Variants in PCDH1 observed in about 807,000 individuals in gnomAD.
PCDH1 encodes protocadherin 1, also known as protocadherin-1.
PCDH1 carries 23 observed loss-of-function variants against 74.6 expected under a neutral mutation model. The observed-to-expected ratio is 0.31, with a 90% CI of 0.22 to 0.44. The LOEUF (loss-of-function observed/expected upper bound fraction) is 0.44, where lower values mean the gene tolerates loss of function less well. Ranked by LOEUF, PCDH1 falls within the 20% of genes least tolerant of loss-of-function variation. The pLI is 1.00. For missense variants in PCDH1, 1,214 were observed against 1,641.4 expected (o/e 0.74, Z 4.50); for synonymous variants, 647 against 686.1 (o/e 0.94, Z 0.89).
chr5:141,869,347 A>G lies in PCDH1; in HGVS notation c.125T>C (p.Met42Thr). 6.3e-7 allele frequency: 1 copy of G among 1,598,242 alleles called. No homozygotes were observed. Among genetic ancestry groups the G allele is most frequent in the Admixed American group, 1.8e-5 (1 of 57,076 alleles). The change falls in exon 2 of 5, where the codon ATG becomes ACG. Residue 42 changes from methionine (M) to threonine (T), a missense_variant. Physicochemically the swap from Met to Thr is moderately conservative, Grantham distance 81. Transcript: ENST00000287008. This position sits in a 1 kb window ranked among gnomAD's most constrained non-coding sequence, Gnocchi z 4.9. The stretch of plus-strand genomic sequence containing the variant: ...CAGCAGGAGCAGCAGTGCTAGCAGC[A>G]TGGAGGGCAGCAGTAGCCGTTGCCC... ...PGGQRLLLPS[M>T]LLALLLLLAP...
At chr5:141,862,702 C>A in intron 3 of PCDH1, 6 of 991,436 alleles carry the variant, frequency 6.1e-6, no homozygotes, top group Non-Finnish European at 7.2e-6. Flanking sequence ...TGGGACCCAG[C>A]CCCAGAAGCC....
upstream of PCDH1, chr5:141,878,410 TGAGGCGGCG>T: frequency 2.2e-6 from 1 of 460,896 alleles, no homozygotes; most frequent in Non-Finnish European, 3.0e-6. The surrounding 1 kb of genome is among the most constrained non-coding windows in gnomAD (Gnocchi z 5.5). Context: ...CCCGAGTGTG[TGAGGCGGCG>T]GCGGCGGCGG....
Position 141,863,309 on chromosome 5 carries a change from C to A in PCDH1, c.3022G>T (p.Asp1008Tyr). 1.3e-6 allele frequency: 2 copies of A among 1,559,164 alleles called. No homozygotes were observed. The highest frequency in any genetic ancestry group is 1.7e-6 in the Non-Finnish European group (2 of 1,151,826). ...TGCTCAGAGCCCGTGGACGTGGTGT[C>A]CCCGGTGCCCACGAATGTGTTTGCA... ...PPANTFVGTG[D>Y]TTSTGSEQYS... The change falls in exon 3 of 5, where the codon GAC (aspartate) becomes TAC (tyrosine). Residue 1008 changes from aspartate to tyrosine, a missense_variant. By Grantham distance (160) the Asp-to-Tyr change is radical (BLOSUM62 -3). Coordinates refer to ENST00000287008, the MANE Select transcript of PCDH1 (RefSeq NM_032420.5). This position sits in a 1 kb window ranked among gnomAD's most constrained non-coding sequence, Gnocchi z 7.5.
At position 141,878,161 on chromosome 5, in the gene PCDH1, C is replaced by T; in HGVS notation, c.40+62G>A. 7.2e-7 allele frequency: 1 copy of T among 1,398,046 alleles called. No homozygotes were observed. The highest frequency in any genetic ancestry group is 9.3e-7 in the Non-Finnish European group (1 of 1,069,918). 86.6% of individuals were successfully genotyped at this position (1,398,046 alleles called of 1,614,324 possible). A position where few individuals can be genotyped will look rare whatever the true frequency, so the allele number is the denominator to read the frequency against. ...CGCCGAGCGCCCCTCCCTCAGCTCC[C>T]GCCGGCCATGACCGCTTCGGGCCCC... On this transcript the variant is annotated intron_variant, in intron 1 of 4. Transcript: ENST00000287008. The surrounding 1 kb of genome is among the most constrained non-coding windows in gnomAD (Gnocchi z 5.5).
chr5:141,863,578 G>T lies in PCDH1; in HGVS notation c.2753C>A (p.Ser918Tyr). The change falls in exon 3 of 5, where the codon TCC becomes TAC. Residue 918 changes from serine (S) to tyrosine (Y), a missense_variant. Physicochemically the swap from Ser to Tyr is moderately radical, Grantham distance 144. Coordinates refer to ENST00000287008, the MANE Select transcript of PCDH1 (RefSeq NM_032420.5). The surrounding 1 kb of genome is among the most constrained non-coding windows in gnomAD (Gnocchi z 7.5). ...CTCCACTGGCTTCACGGGCTTTGGG[G>T]ACTTGCTCTTCTTGCCTTTGCTTTT... The part of the protein sequence containing the change: ...GNKSKGKKSK[S>Y]PKPVKPVEDE... The T allele has an allele frequency of 6.2e-7, 1 of 1,614,154 alleles. No individual in the cohort carries two copies. Among genetic ancestry groups the T allele is most frequent in the South Asian group, 1.1e-5 (1 of 91,076 alleles).
Position 141,869,718 on chromosome 5 carries a change from G to C in PCDH1, c.41-287C>G. 6.7e-7 allele frequency: 1 copy of C among 1,482,658 alleles called. No individual in the cohort carries two copies. Among genetic ancestry groups the C allele is most frequent in the Non-Finnish European group, 9.0e-7 (1 of 1,116,160 alleles). The allele number at this position is 1,482,658 out of a possible 1,614,324, so 91.8% of individuals were successfully genotyped here. A position where few individuals can be genotyped will look rare whatever the true frequency, so the allele number is the denominator to read the frequency against. ...CACCCTCACCCACCTGACGCTCCCT[G>C]GGCCCAAGCCCGGCTGCCCGCCCTC... is the stretch of plus-strand genomic sequence containing the variant. On this transcript the variant is annotated intron_variant, in intron 1 of 4. Transcript: ENST00000287008. This position sits in a 1 kb window ranked among gnomAD's most constrained non-coding sequence, Gnocchi z 4.9.
At position 141,864,462 on chromosome 5, in the gene PCDH1, C is replaced by T; in HGVS notation, c.1869G>A (p.Glu623=). Residue 623 remains glutamate (E), a synonymous_variant, in exon 3 of 5, where the codon GAG becomes GAA. Transcript: ENST00000287008. The surrounding 1 kb of genome is among the most constrained non-coding windows in gnomAD (Gnocchi z 5.9). ...MLSGYNFSVM[E]NMPALSPVGM... Reference sequence around the variant, plus strand: ...CCACTGGACTCAGTGCTGGCATGTTCTCCATCACTGAGAAGTTGTAGCCAC... The same window carrying T: ...CCACTGGACTCAGTGCTGGCATGTTTTCCATCACTGAGAAGTTGTAGCCAC... The T allele has an allele frequency of 6.2e-7, 1 of 1,614,130 alleles. No individual in the cohort carries two copies. Among genetic ancestry groups the T allele is most frequent in the Non-Finnish European group, 8.5e-7 (1 of 1,180,022 alleles).
chr5:141,875,833 G>A lies in PCDH1; in HGVS notation c.40+2390C>T, dbSNP rs114965409. On this transcript the variant is annotated intron_variant, in intron 1 of 4. Coordinates refer to ENST00000287008, the MANE Select transcript of PCDH1 (RefSeq NM_032420.5). ...TGCCCTAGTCTAGTTGTAATTACAGGTTCCAATTCCCCCAGACCTTAACGT... is the reference window on the plus strand; with the variant it reads ...TGCCCTAGTCTAGTTGTAATTACAGATTCCAATTCCCCCAGACCTTAACGT... Among the ~76,000 whole-genome samples the A allele has an allele frequency of 3.6e-3, 548 of 152,066 alleles. 2 individuals carry two copies. Among genetic ancestry groups the A allele is most frequent in the Non-Finnish European group, 6.3e-3 (429 of 68,000 alleles).
chr5:141,867,628 A>AG (rs1340754969), intron 2 of PCDH1: 8 of 446,086 alleles, frequency 1.8e-5, no homozygotes, highest in African/African-American at 1.6e-4. Flanking sequence ...AAAAAAAAAA[A>AG]AAAGGCTGAA....
chr5:141,853,731 A>G lies in PCDH1; in HGVS notation c.*311T>C, dbSNP rs1165909149. On this transcript the variant is annotated 3_prime_UTR_variant, in exon 5 of 5. Transcript: ENST00000287008. ...CCACCCTTGACTCCACCATCTGCCC[A>G]AATCGAGGGGGTGCTCCCTGGAAGT... 6.9e-6 allele frequency: 2 copies of G among 289,484 alleles called. No individual in the cohort carries two copies. Among genetic ancestry groups the G allele is most frequent in the African/African-American group, 4.3e-5 (2 of 46,082 alleles). The allele number at this position is 289,484 out of a possible 1,614,324, so 17.9% of individuals were successfully genotyped here.
intron 3 of PCDH1, 113 bp from the exon 4 acceptor site, chr5:141,857,584 CAAG>C (rs79190729): frequency 0.067 from 52,254 of 783,698 alleles, 1,925 homozygotes; most frequent in African/African-American, 0.082. Context: ...CAACAGCAAC[CAAG>C]AAGAGACCCA....
In PCDH1 at chr5:141,869,648, C is replaced by G. The variant is rs956174988; in HGVS notation, c.41-217G>C. The stretch of plus-strand genomic sequence containing the variant: ...GCAGTGTCTGCCCCAGCTGGAGGAG[C>G]CAGTAAGAGGCCTGGCATGCCTAGA... On this transcript the variant is annotated intron_variant, in intron 1 of 4. Transcript: ENST00000287008. This position sits in a 1 kb window ranked among gnomAD's most constrained non-coding sequence, Gnocchi z 4.9. 2.2e-5 allele frequency: 34 copies of G among 1,532,778 alleles called. 1 individual carries two copies. The highest frequency in any genetic ancestry group is 9.8e-5 in the Admixed American group (5 of 50,902). The allele number at this position is 1,532,778 out of a possible 1,614,324, so 94.9% of individuals were successfully genotyped here.
At chr5:141,867,824 G>A (rs185936882) in intron 2 of PCDH1, among the ~76,000 whole-genome samples, 1 of 152,214 alleles carries the variant, frequency 6.6e-6, no homozygotes, top group African/African-American at 2.4e-5. Context: ...ATGACAGCGG[G>A]AGATACACCC....
At position 141,866,769 on chromosome 5, in the gene PCDH1, C is replaced by T. The variant is rs964801312; in HGVS notation, c.904-1342G>A. On this transcript the variant is annotated intron_variant, in intron 2 of 4. Coordinates refer to ENST00000287008, the MANE Select transcript of PCDH1 (RefSeq NM_032420.5). Reference sequence around the variant, plus strand: ...GGATAATACAGGTAAAAATGCCTGACATTGCCCGGCACAGGGAAAGTGCTC... The same window carrying T: ...GGATAATACAGGTAAAAATGCCTGATATTGCCCGGCACAGGGAAAGTGCTC... Among the ~76,000 whole-genome samples the T allele has an allele frequency of 2.6e-5, 4 of 152,200 alleles. No individual in the cohort carries two copies. The East Asian group carries it at 5.8e-4, about 22-fold the overall frequency.
Position 141,878,296 on chromosome 5 carries a change from C to T in PCDH1, c.-34G>A. ...GCCGGCCCCGGCCTGGGCTGCGGCT[C>T]CGCACGGCTGGGGCTGGAGCTGCAG... is the stretch of plus-strand genomic sequence containing the variant. On this transcript the variant is annotated 5_prime_UTR_variant, in exon 1 of 5. Coordinates refer to ENST00000287008, the MANE Select transcript of PCDH1 (RefSeq NM_032420.5). The surrounding 1 kb of genome is among the most constrained non-coding windows in gnomAD (Gnocchi z 5.5). 1 of 1,237,350 alleles carries T rather than the reference C, an allele frequency of 8.1e-7. No individual in the cohort carries two copies. Among genetic ancestry groups the T allele is most frequent in the Non-Finnish European group, 1.0e-6 (1 of 992,436 alleles). The allele number at this position is 1,237,350 out of a possible 1,614,324, so 76.6% of individuals were successfully genotyped here.
Position 141,865,593 on chromosome 5 carries a change from A to G in PCDH1, c.904-166T>C, listed in dbSNP as rs145520165. Among the ~76,000 whole-genome samples, 6 of 152,296 alleles carry G rather than the reference A, an allele frequency of 3.9e-5. No homozygotes were observed. The East Asian group carries it at 1.2e-3, about 29-fold the overall frequency. On this transcript the variant is annotated intron_variant, in intron 2 of 4. Coordinates refer to ENST00000287008, the MANE Select transcript of PCDH1 (RefSeq NM_032420.5). This position sits in a 1 kb window ranked among gnomAD's most constrained non-coding sequence, Gnocchi z 4.4. ...GCCATGTGTGTCCTGCCTTTTCCCAATTCGGACATTCTGGCAGGCATTACT... is the reference window on the plus strand; with the variant it reads ...GCCATGTGTGTCCTGCCTTTTCCCAGTTCGGACATTCTGGCAGGCATTACT...
intron 1 of PCDH1, among the ~76,000 whole-genome samples, chr5:141,874,075 C>T (rs1753161134): frequency 6.6e-6 from 1 of 152,182 alleles, no homozygotes; most frequent in South Asian, 2.1e-4. Context: ...AATCTGATTC[C>T]TGTTATGTCA....
chr5:141,868,664 C>T lies in PCDH1; in HGVS notation c.808G>A (p.Val270Met), dbSNP rs2126826038. 5 of 1,610,468 alleles carry T rather than the reference C, an allele frequency of 3.1e-6. No homozygotes were observed. The highest frequency in any genetic ancestry group is 4.2e-6 in the Non-Finnish European group (5 of 1,177,832). Reference protein sequence around the residue: ...RASSALLRVTVLDTNDNAPKF... With the variant: ...RASSALLRVTMLDTNDNAPKF... Reference sequence around the variant, plus strand: ...GGGGCGTTGTCATTGGTGTCAAGCACGGTGACACGCAGCAGGGCACTGCTG... The same window carrying T: ...GGGGCGTTGTCATTGGTGTCAAGCATGGTGACACGCAGCAGGGCACTGCTG... The change falls in exon 2 of 5, where the codon GTG (valine) becomes ATG (methionine). Residue 270 changes from valine to methionine, a missense_variant. Val to Met is a conservative substitution (Grantham distance 21, BLOSUM62 1). Around this residue, in one of 4 missense-constraint regions of PCDH1, gnomAD observed 836 missense variants for 1,182.2 expected, o/e 0.71. Transcript: ENST00000287008. This position sits in a 1 kb window ranked among gnomAD's most constrained non-coding sequence, Gnocchi z 4.8.
At position 141,878,364 on chromosome 5, in the gene PCDH1, G is replaced by A. The variant is rs1321144757; in HGVS notation, c.-102C>T. The A allele has an allele frequency of 6.5e-6, 6 of 927,392 alleles. No individual in the cohort carries two copies. The highest frequency in any genetic ancestry group is 8.2e-6 in the Non-Finnish European group (6 of 730,982). 57.4% of individuals were successfully genotyped at this position (927,392 alleles called of 1,614,324 possible). On this transcript the variant is annotated 5_prime_UTR_variant, in exon 1 of 5. Transcript: ENST00000287008. This position sits in a 1 kb window ranked among gnomAD's most constrained non-coding sequence, Gnocchi z 5.5. Reference sequence around the variant, plus strand: ...GCTCCGGCTGGCTCTGGGCGCAGCAGCCCGGCGGCTTTGCGTCCGCGCCGC... The same window carrying A: ...GCTCCGGCTGGCTCTGGGCGCAGCAACCCGGCGGCTTTGCGTCCGCGCCGC...
Sources: allele counts gnomAD v4.1 joint callset (sites outside exome capture counted in the v4.1 genomes callset), GRCh38; gene constraint gnomAD v4.1.1; regional missense constraint gnomAD v4.1.1; non-coding constraint Gnocchi (gnomAD v3.1); transcripts MANE v1.5; gene names NCBI Gene and HGNC (gene_info 2026-07-23, HGNC 2026-07-21).